The following CHST9 variants were observed in gnomAD, a reference collection of about 807,000 sequenced individuals.
The protein encoded by CHST9 is GalNAc-4-sulfotransferase 2.
A neutral mutation model predicts 44.4 loss-of-function variants in CHST9; 41 were observed. That is an observed-to-expected ratio of 0.92 (90% CI 0.72 to 1.20). The LOEUF (loss-of-function observed/expected upper bound fraction) is 1.20. Ranked by LOEUF, CHST9 falls within the 50% of genes most tolerant of loss-of-function variation. The probability of loss-of-function intolerance (pLI) is 0.00; values close to 1 mark genes in which losing one functional copy is unlikely to be tolerated. For missense variants in CHST9, 504 were observed against 516.5 expected, an observed-to-expected ratio of 0.98 and a Z score of 0.23; for synonymous variants, 171 against 178.4, an observed-to-expected ratio of 0.96 and a Z score of 0.33.
In CHST9 at chr18:26,916,666, T is replaced by C. The variant is rs1199100759; in HGVS notation, c.925A>G (p.Ile309Val). ...GCATTTGGTCGATATTTCTTGATAA[T>C]TGCCTTTCCGAATACTGGATGGTAA... ...SYYHPVFGKA[I>V]IKKYRPNACE... Residue 309 changes from isoleucine to valine, a missense_variant, in exon 6 of 6, where the codon ATT becomes GTT. Ile to Val is a conservative substitution (Grantham distance 29, BLOSUM62 3). Coordinates refer to ENST00000618847, the MANE Select transcript of CHST9 (RefSeq NM_031422.6). 2.5e-6 allele frequency: 4 copies of C among 1,613,790 alleles called. No homozygotes were observed. Among genetic ancestry groups the C allele is most frequent in the Admixed American group, 3.3e-5 (2 of 59,976 alleles).
chr18:27,006,462 T>A (rs945613614), intron 4 of CHST9, among the ~76,000 whole-genome samples: 10 of 152,340 alleles, frequency 6.6e-5, no homozygotes, highest in Admixed American at 1.3e-4. Flanking sequence ...CCCTGCCATA[T>A]AAATTTTTAT....
At chr18:27,012,601 A>G (rs1019946850) in intron 4 of CHST9, among the ~76,000 whole-genome samples, 1 of 152,192 alleles carries the variant, frequency 6.6e-6, no homozygotes, top group African/African-American at 2.4e-5. Context: ...GGTTAACTGT[A>G]GTTCCTTACA....
At chr18:27,102,326 A>G (rs920483247) in intron 2 of CHST9, among the ~76,000 whole-genome samples, 1 of 152,240 alleles carries the variant, frequency 6.6e-6, no homozygotes, top group Non-Finnish European at 1.5e-5. Context: ...AGTAATTTAT[A>G]GAACAGATTG....
intron 1 of CHST9, among the ~76,000 whole-genome samples, chr18:27,147,929 CAG>C (rs1168739211): frequency 2.0e-5 from 3 of 147,728 alleles, no homozygotes; most frequent in Non-Finnish European, 4.5e-5. Context: ...ACTCACGTAA[CAG>C]GGGTTTGTTG....
At chr18:27,020,751 G>A (rs985350777) in intron 4 of CHST9, among the ~76,000 whole-genome samples, 4 of 152,080 alleles carry the variant, frequency 2.6e-5, no homozygotes, top group African/African-American at 4.8e-5. Flanking sequence ...ACTGCCATTT[G>A]GCAAATTGAG....
At chr18:27,048,644 C>T (rs2143561320) in intron 2 of CHST9, 141 bp from the exon 3 acceptor site, 1 of 580,172 alleles carries the variant, frequency 1.7e-6, no homozygotes, top group African/African-American at 2.0e-5. Context: ...GATGACTGGG[C>T]TCAGCTGACA....
intron 1 of CHST9, among the ~76,000 whole-genome samples, chr18:27,165,150 A>C (rs903474651): frequency 3.9e-5 from 6 of 152,226 alleles, no homozygotes; most frequent in Non-Finnish European, 5.9e-5. Context: ...CTGTGTGGAA[A>C]GATAAAACTG....
intron 3 of CHST9, among the ~76,000 whole-genome samples, chr18:27,047,945 C>A (rs182753854): frequency 1.1e-4 from 16 of 152,294 alleles, no homozygotes; most frequent in Non-Finnish European, 2.2e-4. Flanking sequence ...CAAATACTGA[C>A]CCCTACTATG....
At chr18:27,137,304 ATG>A (rs60705060) in intron 2 of CHST9, among the ~76,000 whole-genome samples, 12,561 of 144,072 alleles carry the variant, frequency 0.087, 598 homozygotes, top group Admixed American at 0.11. Flanking sequence ...TTATTTATAT[ATG>A]TGTGTGTGTG....
rs575348806 is a variant in CHST9 at position 27,109,858 on chromosome 18, G to A, written c.121+32831C>T. Reference sequence around the variant, plus strand: ...TCTTCATAATCAGGGATGGTTCAAGGCAGTCAGACCCTGAGTCCTTGGCAC... The same window carrying A: ...TCTTCATAATCAGGGATGGTTCAAGACAGTCAGACCCTGAGTCCTTGGCAC... On this transcript the variant is annotated intron_variant, in intron 2 of 5. Coordinates refer to ENST00000618847, the MANE Select transcript of CHST9 (RefSeq NM_031422.6). 3.5e-4 allele frequency among the ~76,000 whole-genome samples: 53 copies of A among 152,146 alleles called. 2 individuals are homozygous for A. The South Asian group carries it at 0.01, about 29-fold the overall frequency.
chr18:26,968,007 C>A (rs1048912474), intron 4 of CHST9, among the ~76,000 whole-genome samples: 1 of 152,200 alleles, frequency 6.6e-6, no homozygotes, highest in Admixed American at 6.5e-5. Context: ...GGCTCTCAGG[C>A]CTTCGGCCGC....
intron 4 of CHST9, among the ~76,000 whole-genome samples, chr18:27,015,586 T>G (rs7238255): frequency 0.11 from 16,306 of 152,074 alleles, 1,800 homozygotes; most frequent in African/African-American, 0.29. Context: ...CTAGCATATG[T>G]GTACATACTT....
intron 4 of CHST9, among the ~76,000 whole-genome samples, chr18:26,983,650 T>G (rs1469263637): frequency 1.3e-5 from 2 of 152,194 alleles, no homozygotes; most frequent in African/African-American, 4.8e-5. Context: ...AAGAATGGCC[T>G]AATATAGTCC....
intron 4 of CHST9, among the ~76,000 whole-genome samples, chr18:27,008,715 C>T (rs1480782126): frequency 6.6e-6 from 1 of 152,078 alleles, no homozygotes; most frequent in Non-Finnish European, 1.5e-5. Flanking sequence ...CCTCTTGTAT[C>T]TATCTCTTTT....
intron 5 of CHST9, among the ~76,000 whole-genome samples, chr18:26,925,504 A>C (rs1319618647): frequency 6.6e-6 from 1 of 152,224 alleles, no homozygotes; most frequent in African/African-American, 2.4e-5. Flanking sequence ...TATATCAAGC[A>C]ATCTATTTCT....
intron 4 of CHST9, among the ~76,000 whole-genome samples, chr18:26,958,506 C>G (rs151271337): frequency 0.012 from 1,739 of 149,656 alleles, 9 homozygotes; most frequent in Non-Finnish European, 0.02. Context: ...CCTAGTTAAA[C>G]TAAAGAGCTT....
Position 26,916,281 on chromosome 18 carries a change from T to C in CHST9, c.1310A>G (p.Asn437Ser), listed in dbSNP as rs759933019. 1 of 1,576,642 alleles carries C rather than the reference T, an allele frequency of 6.3e-7. No individual in the cohort carries two copies. The highest frequency in any genetic ancestry group is 1.1e-5 in the South Asian group (1 of 88,398). Reference sequence around the variant, plus strand: ...AAACTACAAAAATGGAGTTGTATAATTAAACATTAAATAGTCCAAGTAATA... The same window carrying C: ...AAACTACAAAAATGGAGTTGTATAACTAAACATTAAATAGTCCAAGTAATA... ...DFYYLDYLMF[N>S]YTTPFL Residue 437 changes from asparagine to serine, a missense_variant, in exon 6 of 6, where the codon AAT becomes AGT. Coordinates refer to ENST00000618847, the MANE Select transcript of CHST9 (RefSeq NM_031422.6).
At chr18:26,936,903 T>C (rs1176939769) in intron 5 of CHST9, among the ~76,000 whole-genome samples, 2 of 152,194 alleles carry the variant, frequency 1.3e-5, no homozygotes, top group Non-Finnish European at 2.9e-5. Context: ...TCATAAATGG[T>C]ACATTTTCAG....
intron 5 of CHST9, among the ~76,000 whole-genome samples, chr18:26,937,593 G>T (rs376460211): frequency 4.3e-4 from 66 of 152,250 alleles, no homozygotes; most frequent in African/African-American, 1.6e-3. Context: ...CCAGAATAGT[G>T]GCTGTTGCTC....
Sources: gnomAD v4.1 joint callset for allele counts (sites outside exome capture counted in the v4.1 genomes callset) on GRCh38, gnomAD v4.1.1 for gene constraint, MANE v1.5 for transcripts, NCBI Gene and HGNC (gene_info 2026-07-23, HGNC 2026-07-21) for gene names.